BNC2: variants seen among roughly 807,000 people sequenced by gnomAD.
BNC2 encodes the protein basonuclin zinc finger protein 2.
Under a neutral mutation model 76.3 loss-of-function variants are expected in BNC2, and 20 were observed. That is an observed-to-expected ratio of 0.26 (90% CI 0.18 to 0.38). The LOEUF (loss-of-function observed/expected upper bound fraction) is 0.38. BNC2 is among the 10% of genes least tolerant of loss of function. BNC2 has a pLI of 1.00. For synonymous variants in BNC2, 582 were observed against 514.8 expected (o/e 1.13, Z -1.77); for missense variants, 1,382 against 1,399.8 (o/e 0.99, Z 0.20).
At chr9:16,777,074 C>T (rs1383967808) in intron 1 of BNC2, among the ~76,000 whole-genome samples, 2 of 151,526 alleles carry the variant, frequency 1.3e-5, no homozygotes, top group African/African-American at 2.4e-5. Flanking sequence ...TGCAGTGAGC[C>T]GAGATGGCGC....
chr9:16,546,885 C>G (rs1346291194), intron 5 of BNC2, among the ~76,000 whole-genome samples: 1 of 152,192 alleles, frequency 6.6e-6, no homozygotes, highest in Admixed American at 6.5e-5. Flanking sequence ...AGTCAAAGAC[C>G]TGAATTCAAA....
Position 16,663,130 on chromosome 9 carries a change from C to CTTTTTTTTTTTTT in BNC2, c.330+64654_330+64666dup, listed in dbSNP as rs71325979. ...CCATAGGCACTCCACTCTGTTTACTCTTTTTTTTTTTTTTTTGGAGACGGA... is the reference window on the plus strand; with the variant it reads ...CCATAGGCACTCCACTCTGTTTACTCTTTTTTTTTTTTTTTTTTTTTTTTTTTTTGGAGACGGA... On this transcript the variant is annotated intron_variant, in intron 3 of 6. Coordinates refer to ENST00000380672, the MANE Select transcript of BNC2 (RefSeq NM_017637.6). Among the ~76,000 whole-genome samples, 208 of 99,582 alleles carry CTTTTTTTTTTTTT rather than the reference C, an allele frequency of 2.1e-3. 25 individuals are homozygous for CTTTTTTTTTTTTT. The highest frequency in any genetic ancestry group is 3.0e-3 in the African/African-American group (84 of 27,926). The allele number at this position is 99,582 out of a possible 152,430, so 65.3% of individuals were successfully genotyped here.
intron 1 of BNC2, among the ~76,000 whole-genome samples, chr9:16,800,002 A>AGT (rs1817743339): frequency 6.6e-6 from 1 of 152,112 alleles, no homozygotes; most frequent in African/African-American, 2.4e-5. Flanking sequence ...AGGTGGGCAG[A>AGT]TCACCTGAGA....
In BNC2 at chr9:16,692,233, G is replaced by A. The variant is rs561716440; in HGVS notation, c.330+35564C>T. Among the ~76,000 whole-genome samples the A allele has an allele frequency of 4.7e-4, 71 of 152,280 alleles. No individual in the cohort carries two copies. The South Asian group carries it at 0.015, about 31-fold the overall frequency. The stretch of plus-strand genomic sequence containing the variant: ...GTTGTTGCTTATGGGCAAATACATT[G>A]TCAACTCTGACAACTGACATTAAAT... On this transcript the variant is annotated intron_variant, in intron 3 of 6. Transcript: ENST00000380672.
chr9:16,733,513 T>C (rs563365768), intron 2 of BNC2, among the ~76,000 whole-genome samples: 40 of 151,466 alleles, frequency 2.6e-4, no homozygotes, highest in African/African-American at 9.0e-4. Flanking sequence ...CATATGTAAA[T>C]AGATGGAAAG....
chr9:16,640,846 G>A (rs1821473309), intron 3 of BNC2, among the ~76,000 whole-genome samples: 1 of 152,126 alleles, frequency 6.6e-6, no homozygotes. Flanking sequence ...TGTGGTCACA[G>A]GACATCCAGG....
chr9:16,490,095 AC>A (rs2131616989), intron 5 of BNC2, among the ~76,000 whole-genome samples: 1 of 152,164 alleles, frequency 6.6e-6, no homozygotes, highest in South Asian at 2.1e-4. Flanking sequence ...CAAATCAAAG[AC>A]CTTTCTCCCC....
chr9:16,857,839 A>C (rs1474926222), intron 1 of BNC2, among the ~76,000 whole-genome samples: 1 of 152,248 alleles, frequency 6.6e-6, no homozygotes, highest in Non-Finnish European at 1.5e-5. Flanking sequence ...AGCATGAATA[A>C]AGAGAAAATT....
chr9:16,551,046 C>G (rs1018500554), intron 5 of BNC2, among the ~76,000 whole-genome samples: 1 of 152,130 alleles, frequency 6.6e-6, no homozygotes, highest in South Asian at 2.1e-4. Flanking sequence ...CCTCATGCCC[C>G]CTGACCGTCC....
At chr9:16,492,253 T>C (rs1822294607) in intron 5 of BNC2, among the ~76,000 whole-genome samples, 1 of 152,308 alleles carries the variant, frequency 6.6e-6, no homozygotes, top group East Asian at 1.9e-4. Flanking sequence ...TATTCATGTC[T>C]AAGTTCCAGG....
intron 1 of BNC2, among the ~76,000 whole-genome samples, chr9:16,744,123 C>A (rs10962560): frequency 6.6e-6 from 1 of 151,832 alleles, no homozygotes; most frequent in East Asian, 1.9e-4. Context: ...CCTGCCACCA[C>A]GCCCGGCTAA....
intron 3 of BNC2, among the ~76,000 whole-genome samples, chr9:16,673,646 C>T (rs992417395): frequency 6.6e-6 from 1 of 152,116 alleles, no homozygotes; most frequent in African/African-American, 2.4e-5. Flanking sequence ...CAGGTTTATA[C>T]AGAATAGATT....
At chr9:16,653,773 A>C (rs1428103011) in intron 3 of BNC2, among the ~76,000 whole-genome samples, 1 of 152,170 alleles carries the variant, frequency 6.6e-6, no homozygotes. Context: ...CAAAGAAAAG[A>C]ATCAATACTT....
intron 1 of BNC2, among the ~76,000 whole-genome samples, chr9:16,781,656 A>T (rs1347189258): frequency 6.6e-6 from 1 of 152,356 alleles, no homozygotes; most frequent in African/African-American, 2.4e-5. Flanking sequence ...ATATAAACAC[A>T]TTCGTGGCAG....
intron 1 of BNC2, among the ~76,000 whole-genome samples, chr9:16,822,146 C>T (rs1256595954): frequency 6.7e-6 from 1 of 148,720 alleles, no homozygotes; most frequent in African/African-American, 2.5e-5. Context: ...TGCCCGTAAT[C>T]CCAGCTACTC....
chr9:16,659,385 A>G lies in BNC2; in HGVS notation c.330+68412T>C, dbSNP rs368196128. On this transcript the variant is annotated intron_variant, in intron 3 of 6. Coordinates refer to ENST00000380672, the MANE Select transcript of BNC2 (RefSeq NM_017637.6). ...AGCACTTTGGGGGGCCGAGGTGGGCAGATCAGGAGGTCAGGAGATTGAGAC... is the reference window on the plus strand; with the variant it reads ...AGCACTTTGGGGGGCCGAGGTGGGCGGATCAGGAGGTCAGGAGATTGAGAC... Among the ~76,000 whole-genome samples, 399 of 152,130 alleles carry G rather than the reference A, an allele frequency of 2.6e-3. 1 individual carries two copies. The highest frequency in any genetic ancestry group is 7.3e-3 in the African/African-American group (302 of 41,510).
At chr9:16,475,096 G>T (rs1821901644) in intron 5 of BNC2, among the ~76,000 whole-genome samples, 1 of 152,130 alleles carries the variant, frequency 6.6e-6, no homozygotes, top group Non-Finnish European at 1.5e-5. Context: ...TTTACACCAT[G>T]GTGAACTCCA....
rs1028834762 is a variant in BNC2 at position 16,528,238 on chromosome 9, A to G, written c.669+24292T>C. ...ATATGACTTATTTTCTAAAATGACA[A>G]TAGTTCTTGAATATAACTTTTTCTC... On this transcript the variant is annotated intron_variant, in intron 5 of 6. Coordinates refer to ENST00000380672, the MANE Select transcript of BNC2 (RefSeq NM_017637.6). 7.2e-5 allele frequency among the ~76,000 whole-genome samples: 11 copies of G among 152,222 alleles called. 1 individual carries two copies. Among genetic ancestry groups the G allele is most frequent in the Admixed American group, 2.6e-4 (4 of 15,288 alleles).
intron 3 of BNC2, among the ~76,000 whole-genome samples, chr9:16,669,971 C>T (rs375354014): frequency 1.4e-4 from 21 of 152,292 alleles, no homozygotes; most frequent in African/African-American, 4.8e-4. Context: ...AAATATGTAA[C>T]TACAATTTAA....
Sources: gnomAD v4.1 joint callset for allele counts (sites outside exome capture counted in the v4.1 genomes callset) on GRCh38, gnomAD v4.1.1 for gene constraint, MANE v1.5 for transcripts, NCBI Gene and HGNC (gene_info 2026-07-23, HGNC 2026-07-21) for gene names.